Variants in NCKAP5 observed in about 807,000 individuals in gnomAD.
NCKAP5 encodes the protein nck-associated protein 5.
A neutral mutation model predicts 167.0 loss-of-function variants in NCKAP5; 92 were observed. That is an observed-to-expected ratio of 0.55 (90% CI 0.47 to 0.66). NCKAP5 has a LOEUF of 0.66. NCKAP5 is among the 30% of genes least tolerant of loss of function. The pLI, the probability that NCKAP5 is intolerant of heterozygous loss-of-function variation, is 0.00. For synonymous variants in NCKAP5, 891 were observed against 877.4 expected, an observed-to-expected ratio of 1.02 and a Z score of -0.27; for missense variants, 2,378 against 2,315.0, an observed-to-expected ratio of 1.03 and a Z score of -0.56.
At chr2:132,942,881 CTCTG>C (rs1306694897) in intron 8 of NCKAP5, among the ~76,000 whole-genome samples, 3 of 152,214 alleles carry the variant, frequency 2.0e-5, no homozygotes, top group Admixed American at 6.5e-5. Flanking sequence ...ACTAAGTGGT[CTCTG>C]TCTGCCAACG....
intron 8 of NCKAP5, among the ~76,000 whole-genome samples, chr2:132,898,443 G>T (rs986946674): frequency 3.9e-5 from 6 of 152,154 alleles, no homozygotes; most frequent in African/African-American, 1.4e-4. Flanking sequence ...CTTTTCCCAT[G>T]AATCACAAAT....
chr2:133,319,112 A>G (rs1298595387), intron 3 of NCKAP5, among the ~76,000 whole-genome samples: 7 of 151,784 alleles, frequency 4.6e-5, no homozygotes, highest in Admixed American at 3.3e-4. Flanking sequence ...TTAACCCATC[A>G]TTACAATCAT....
At chr2:133,034,809 A>T (rs1486790819) in intron 6 of NCKAP5, among the ~76,000 whole-genome samples, 1 of 152,046 alleles carries the variant, frequency 6.6e-6, no homozygotes, top group Non-Finnish European at 1.5e-5. Flanking sequence ...TCAGATCACC[A>T]GAGAAAATTA....
At position 133,140,247 on chromosome 2, in the gene NCKAP5, T is replaced by G. The variant is rs16857197; in HGVS notation, c.208-10136A>C. ...TTTTCTGTGGAGACAGTATATTCTA[T>G]GCAAAGAAGACACAGCATTTCAGGT... On this transcript the variant is annotated intron_variant, in intron 5 of 19. Transcript: ENST00000409261. 6.4e-3 allele frequency among the ~76,000 whole-genome samples: 972 copies of G among 152,346 alleles called. 17 individuals are homozygous for G. The highest frequency in any genetic ancestry group is 0.022 in the African/African-American group (922 of 41,584).
chr2:132,981,731 G>A (rs972905915), intron 7 of NCKAP5, among the ~76,000 whole-genome samples: 1 of 152,170 alleles, frequency 6.6e-6, no homozygotes, highest in Non-Finnish European at 1.5e-5. Flanking sequence ...CCCGTTTTCT[G>A]AGATGGGTTG....
intron 11 of NCKAP5, among the ~76,000 whole-genome samples, chr2:132,820,543 T>C (rs1686648986): frequency 2.0e-5 from 3 of 152,098 alleles, no homozygotes; most frequent in Non-Finnish European, 4.4e-5. Flanking sequence ...TTTTTTTGTT[T>C]TTTGTTTTTT....
chr2:133,464,884 A>T (rs975995633), intron 3 of NCKAP5, among the ~76,000 whole-genome samples: 2 of 151,850 alleles, frequency 1.3e-5, no homozygotes, highest in Non-Finnish European at 2.9e-5. Context: ...CCAACGTGGC[A>T]TGGGGCTCTC....
rs367682295 is a variant in NCKAP5 at position 132,675,051 on chromosome 2, G to T, written c.5714-1746C>A. Among the ~76,000 whole-genome samples, 41 of 152,244 alleles carry T rather than the reference G, an allele frequency of 2.7e-4. 1 individual carries two copies. The highest frequency in any genetic ancestry group is 9.1e-4 in the African/African-American group (38 of 41,538). On this transcript the variant is annotated intron_variant, in intron 19 of 19. Transcript: ENST00000409261. ...TTCAATGCAATTTTCTCTTTACCTG[G>T]ATGTCTTCTCCATTTTTCTTCATTT...
chr2:132,902,325 C>T (rs1337327626), intron 8 of NCKAP5, among the ~76,000 whole-genome samples: 2 of 152,142 alleles, frequency 1.3e-5, no homozygotes, highest in Non-Finnish European at 2.9e-5. Flanking sequence ...GCTGAGGTGT[C>T]CAGTTAAAAC....
intron 2 of NCKAP5, among the ~76,000 whole-genome samples, chr2:133,537,865 C>A (rs2104864546): frequency 6.6e-6 from 1 of 152,182 alleles, no homozygotes; most frequent in East Asian, 1.9e-4. Flanking sequence ...CATCTTTCAC[C>A]AGCACTCATT....
intron 6 of NCKAP5, among the ~76,000 whole-genome samples, chr2:133,065,269 A>C (rs113334519): frequency 0.013 from 2,041 of 152,320 alleles, 45 homozygotes; most frequent in African/African-American, 0.046. Context: ...CACACACACA[A>C]AAATTAAAAG....
intron 5 of NCKAP5, among the ~76,000 whole-genome samples, chr2:133,200,366 A>T (rs1470696743): frequency 6.6e-6 from 1 of 152,132 alleles, no homozygotes; most frequent in Non-Finnish European, 1.5e-5. Flanking sequence ...AAGCAATTCA[A>T]TAAAGACAAA....
intron 6 of NCKAP5, among the ~76,000 whole-genome samples, chr2:133,026,094 T>A (rs979054685): frequency 5.9e-5 from 9 of 152,180 alleles, no homozygotes; most frequent in African/African-American, 2.2e-4. Context: ...TCTCTAATGA[T>A]CAGTGATGTT....
intron 5 of NCKAP5, among the ~76,000 whole-genome samples, chr2:133,149,991 T>A (rs565786468): frequency 6.6e-6 from 1 of 152,302 alleles, no homozygotes; most frequent in East Asian, 1.9e-4. Flanking sequence ...ATCAATTGTT[T>A]ATTCACTGAT....
intron 19 of NCKAP5, among the ~76,000 whole-genome samples, chr2:132,692,296 C>T (rs1686836486): frequency 6.6e-6 from 1 of 152,022 alleles, no homozygotes; most frequent in Non-Finnish European, 1.5e-5. Context: ...GTGTCCACCA[C>T]CATGCCCAGT....
intron 3 of NCKAP5, among the ~76,000 whole-genome samples, chr2:133,419,823 T>C (rs1574922924): frequency 6.6e-6 from 1 of 152,198 alleles, no homozygotes; most frequent in African/African-American, 2.4e-5. Flanking sequence ...AAAAACATAA[T>C]GACCACATGC....
intron 8 of NCKAP5, among the ~76,000 whole-genome samples, chr2:132,958,606 T>G (rs2076411626): frequency 6.6e-6 from 1 of 152,218 alleles, no homozygotes; most frequent in Admixed American, 6.5e-5. Context: ...TGAACTCATC[T>G]TCTTCCATTT....
chr2:133,574,882 G>A, the NCKAP5 span, among the ~76,000 whole-genome samples: 6 of 152,160 alleles, frequency 3.9e-5, no homozygotes, highest in South Asian at 2.1e-4. Flanking sequence ...GCCAGCTCAG[G>A]TGCAAAGAAC....
chr2:133,227,927 G>A (rs1354863695), intron 4 of NCKAP5, among the ~76,000 whole-genome samples: 1 of 152,200 alleles, frequency 6.6e-6, no homozygotes, highest in African/African-American at 2.4e-5. Flanking sequence ...TCTAGGAGAA[G>A]CAAGAGCTGG....
Sources: gnomAD v4.1 joint callset for allele counts (sites outside exome capture counted in the v4.1 genomes callset) on GRCh38, gnomAD v4.1.1 for gene constraint, MANE v1.5 for transcripts, NCBI Gene and HGNC (gene_info 2026-07-23, HGNC 2026-07-21) for gene names.